TAFA4: variants seen among roughly 807,000 people sequenced by gnomAD.
The protein encoded by TAFA4 is chemokine-like protein TAFA-4.
TAFA4 carries 20 observed loss-of-function variants against 21.1 expected under a neutral mutation model. That is an observed-to-expected ratio of 0.95 (90% CI 0.67 to 1.38). TAFA4 has a LOEUF of 1.38. Among genes scored for constraint, TAFA4 ranks in the 40% most tolerant of loss-of-function variants. The pLI is 0.00. For missense variants in TAFA4, 211 were observed against 180.9 expected (o/e 1.17, Z -0.95); for synonymous variants, 71 against 67.4 (o/e 1.05, Z -0.26).
intron 3 of TAFA4, among the ~76,000 whole-genome samples, chr3:68,790,456 T>C (rs367853922): frequency 4.6e-5 from 7 of 152,278 alleles, no homozygotes; most frequent in African/African-American, 1.7e-4. Flanking sequence ...TAAATGTAAA[T>C]GATCTATGCA....
chr3:68,751,586 CT>C (rs1702557296), intron 4 of TAFA4, among the ~76,000 whole-genome samples: 2 of 152,224 alleles, frequency 1.3e-5, no homozygotes, highest in East Asian at 3.9e-4. Context: ...AGATCTTCAT[CT>C]TTTTTTAATA....
chr3:68,910,859 G>C (rs1314696341), intron 1 of TAFA4, among the ~76,000 whole-genome samples: 3 of 152,110 alleles, frequency 2.0e-5, no homozygotes, highest in African/African-American at 7.2e-5. Flanking sequence ...AACCTCATAG[G>C]TTTGTTCTAA....
chr3:68,784,728 T>C (rs940808716), intron 3 of TAFA4, among the ~76,000 whole-genome samples: 1 of 152,212 alleles, frequency 6.6e-6, no homozygotes, highest in Admixed American at 6.5e-5. Context: ...TCAGGCAGCC[T>C]GTTTTTATTC....
At chr3:68,740,658 G>A (rs943752994) in intron 4 of TAFA4, among the ~76,000 whole-genome samples, 3 of 152,024 alleles carry the variant, frequency 2.0e-5, no homozygotes, top group Non-Finnish European at 2.9e-5. Flanking sequence ...TTCATTTGAT[G>A]TAGTCCCAAT....
chr3:68,805,813 G>C (rs1288962203), intron 3 of TAFA4, among the ~76,000 whole-genome samples: 2 of 151,982 alleles, frequency 1.3e-5, no homozygotes, highest in East Asian at 3.9e-4. Flanking sequence ...TGTGGGGTGG[G>C]GGGAGGAGAG....
At chr3:68,854,611 C>A (rs1705025342) in intron 3 of TAFA4, among the ~76,000 whole-genome samples, 1 of 151,680 alleles carries the variant, frequency 6.6e-6, no homozygotes, top group Non-Finnish European at 1.5e-5. Flanking sequence ...TAAAGCCTTA[C>A]CAATTGGATG....
chr3:68,739,199 G>A lies in TAFA4; in HGVS notation c.287C>T (p.Ala96Val). The A allele has an allele frequency of 6.2e-7, 1 of 1,613,102 alleles. No homozygotes were observed. Among genetic ancestry groups the A allele is most frequent in the Non-Finnish European group, 8.5e-7 (1 of 1,179,660 alleles). Residue 96 changes from alanine to valine, a missense_variant and splice_region_variant, in exon 5 of 6, where the codon GCT (alanine) becomes GTT (valine). Ala to Val is a moderately conservative substitution (Grantham distance 64). Coordinates refer to ENST00000295569, the MANE Select transcript of TAFA4 (RefSeq NM_182522.5). ...CCACCATTTCTGAATCACAATGGAA[G>A]CTGGAAAACAAAGGCCAAATAATAT... ...TTRAQPSCVE[A>V]SIVIQKWWCH...
chr3:68,822,373 C>T (rs1704132052), intron 3 of TAFA4, among the ~76,000 whole-genome samples: 1 of 152,178 alleles, frequency 6.6e-6, no homozygotes, highest in African/African-American at 2.4e-5. Flanking sequence ...GCACAATCTA[C>T]TTGGCCTTTT....
At chr3:68,797,533 A>AT (rs1703476184) in intron 3 of TAFA4, among the ~76,000 whole-genome samples, 2 of 150,956 alleles carry the variant, frequency 1.3e-5, no homozygotes, top group Admixed American at 1.3e-4. Context: ...GAATCACTTG[A>AT]ACCTGGGAGA....
intron 3 of TAFA4, among the ~76,000 whole-genome samples, chr3:68,843,534 G>C (rs569883872): frequency 1.3e-5 from 2 of 152,294 alleles, no homozygotes; most frequent in African/African-American, 2.4e-5. Flanking sequence ...GATTGCCCCA[G>C]CCAGAACTTC....
chr3:68,806,717 G>T (rs1703707760), intron 3 of TAFA4, among the ~76,000 whole-genome samples: 1 of 152,080 alleles, frequency 6.6e-6, no homozygotes, highest in African/African-American at 2.4e-5. Context: ...GAGTCCTCAT[G>T]AATGCAATCA....
At position 68,841,192 on chromosome 3, in the gene TAFA4, G is replaced by A. The variant is rs538760539; in HGVS notation, c.130+39538C>T. On this transcript the variant is annotated intron_variant, in intron 3 of 5. Transcript: ENST00000295569. ...CAAAAAATTAGCCGGGCGTAGTGGC[G>A]CGCGCCTGTAGTCCCAGCTACTTGG... is the stretch of plus-strand genomic sequence containing the variant. Among the ~76,000 whole-genome samples, 434 of 124,976 alleles carry A rather than the reference G, an allele frequency of 3.5e-3. 98 individuals carry two copies. The highest frequency in any genetic ancestry group is 8.2e-3 in the South Asian group (30 of 3,680). 82.0% of individuals were successfully genotyped at this position (124,976 alleles called of 152,430 possible).
chr3:68,820,417 G>A (rs1052617396), intron 3 of TAFA4, among the ~76,000 whole-genome samples: 2 of 152,104 alleles, frequency 1.3e-5, no homozygotes, highest in Admixed American at 6.6e-5. Context: ...GGTAGCTGAC[G>A]CCTGCAATCT....
chr3:68,891,321 TAACA>T (rs1362947504), intron 1 of TAFA4, among the ~76,000 whole-genome samples: 3 of 152,322 alleles, frequency 2.0e-5, no homozygotes, highest in African/African-American at 4.8e-5. Flanking sequence ...ATCTGCTTAA[TAACA>T]AACAAATAGC....
chr3:68,871,478 AG>A (rs2106937367), intron 3 of TAFA4, among the ~76,000 whole-genome samples: 1 of 152,302 alleles, frequency 6.6e-6, no homozygotes, highest in East Asian at 1.9e-4. Context: ...TGAAACTATT[AG>A]AAGCAAAAAC....
At chr3:68,836,315 A>C (rs764858326) in intron 3 of TAFA4, among the ~76,000 whole-genome samples, 2 of 152,330 alleles carry the variant, frequency 1.3e-5, no homozygotes, top group Non-Finnish European at 2.9e-5. Flanking sequence ...CCAAATGCTG[A>C]GAAGAGAGTG....
intron 3 of TAFA4, among the ~76,000 whole-genome samples, chr3:68,837,717 A>G (rs764512833): frequency 6.6e-6 from 1 of 152,200 alleles, no homozygotes; most frequent in Non-Finnish European, 1.5e-5. Flanking sequence ...ATACTCTAGG[A>G]TTGGGACAAA....
chr3:68,837,883 T>C (rs915628273), intron 3 of TAFA4, among the ~76,000 whole-genome samples: 10 of 152,112 alleles, frequency 6.6e-5, no homozygotes, highest in African/African-American at 2.4e-4. Context: ...TATTATTTAA[T>C]TCTTTTTTAA....
rs1704658147 is a variant in TAFA4 at position 68,841,309 on chromosome 3, C to T, written c.130+39421G>A. ...CTGCACTCCAGCCTGGGCGACAGAG[C>T]GAGACTCCGTCTCAAAAAAAAAAAA... On this transcript the variant is annotated intron_variant, in intron 3 of 5. Transcript: ENST00000295569. 5.9e-5 allele frequency among the ~76,000 whole-genome samples: 4 copies of T among 67,350 alleles called. 1 individual carries two copies. The South Asian group carries it at 1.9e-3, about 31-fold the overall frequency. 44.2% of individuals were successfully genotyped at this position (67,350 alleles called of 152,430 possible).
Sources: allele counts gnomAD v4.1 joint callset (sites outside exome capture counted in the v4.1 genomes callset), GRCh38; gene constraint gnomAD v4.1.1; transcripts MANE v1.5; gene names NCBI Gene and HGNC (gene_info 2026-07-23, HGNC 2026-07-21).